LTBP1: variants seen among roughly 807,000 people sequenced by gnomAD.
LTBP1 encodes latent transforming growth factor beta binding protein 1.
Under a neutral mutation model 207.6 loss-of-function variants are expected in LTBP1, and 129 were observed. The observed-to-expected ratio is 0.62, with a 90% confidence interval of 0.54 to 0.72. The LOEUF is 0.72. Among genes scored for constraint, LTBP1 ranks in the 30% least tolerant of loss-of-function variants. The pLI, the probability that LTBP1 is intolerant of heterozygous loss-of-function variation, is 0.00. For synonymous variants in LTBP1, 963 were observed against 833.7 expected (o/e 1.16, Z -2.67); for missense variants, 2,281 against 2,217.2 (o/e 1.03, Z -0.58).
At chr2:33,256,418 T>G (rs947559140) in intron 11 of LTBP1, among the ~76,000 whole-genome samples, 5 of 152,094 alleles carry the variant, frequency 3.3e-5, no homozygotes, top group Non-Finnish European at 7.3e-5. Flanking sequence ...GAGCCCTTTG[T>G]GTTCTTCAAC....
rs531284899 is a variant in LTBP1 at position 33,394,124 on chromosome 2, C to G, written c.4835-3009C>G. On this transcript the variant is annotated intron_variant, in intron 32 of 33. Coordinates refer to ENST00000404816, the MANE Select transcript of LTBP1 (RefSeq NM_206943.4). ...AGTGTCTGTTCATATCCTTCTCCCA[C>G]TTTTTGATGGGGTTGTTTGATTTTT... Among the ~76,000 whole-genome samples the G allele has an allele frequency of 7.3e-4, 111 of 152,290 alleles. 1 individual carries two copies. The South Asian group carries it at 0.022, about 31-fold the overall frequency.
At chr2:33,253,970 A>G (rs983631338) in intron 11 of LTBP1, among the ~76,000 whole-genome samples, 3 of 147,580 alleles carry the variant, frequency 2.0e-5, no homozygotes, top group Non-Finnish European at 4.4e-5. Flanking sequence ...GCTCACTGCA[A>G]GCTCCGCCTC....
At chr2:33,171,384 G>T (rs1390593195) in intron 5 of LTBP1, among the ~76,000 whole-genome samples, 2 of 135,184 alleles carry the variant, frequency 1.5e-5, no homozygotes. Flanking sequence ...GAGCCGATGC[G>T]ATCAACTGGA....
intron 2 of LTBP1, among the ~76,000 whole-genome samples, chr2:32,959,425 G>C (rs1403966362): frequency 2.0e-5 from 3 of 151,696 alleles, no homozygotes; most frequent in South Asian, 2.1e-4. Context: ...AAGGAAAATA[G>C]AAGGATAAGG....
chr2:33,157,432 T>C (rs1440927479), intron 5 of LTBP1, among the ~76,000 whole-genome samples: 1 of 152,184 alleles, frequency 6.6e-6, no homozygotes, highest in Non-Finnish European at 1.5e-5. Flanking sequence ...GGGAACTGTT[T>C]TGAGAAGTGA....
chr2:33,062,797 A>G (rs1369677275), intron 3 of LTBP1, among the ~76,000 whole-genome samples: 1 of 152,228 alleles, frequency 6.6e-6, no homozygotes. Context: ...CAAGATAGCT[A>G]CTAAGTGACG....
intron 2 of LTBP1, among the ~76,000 whole-genome samples, chr2:32,957,875 C>T (rs1249540142): frequency 2.6e-5 from 4 of 152,152 alleles, no homozygotes; most frequent in Non-Finnish European, 5.9e-5. Context: ...GGATTGAGCA[C>T]GTCATGTAGA....
intron 7 of LTBP1, among the ~76,000 whole-genome samples, chr2:33,197,202 A>G (rs189612042): frequency 6.6e-6 from 1 of 152,242 alleles, no homozygotes; most frequent in Non-Finnish European, 1.5e-5. Flanking sequence ...AATTGATCTC[A>G]TAGAACTATA....
chr2:33,197,828 T>C (rs1198898539), intron 7 of LTBP1, among the ~76,000 whole-genome samples: 1 of 152,206 alleles, frequency 6.6e-6, no homozygotes, highest in Non-Finnish European at 1.5e-5. Context: ...GCCTGTGCTC[T>C]TTGTTGAACC....
intron 5 of LTBP1, among the ~76,000 whole-genome samples, chr2:33,180,405 C>A (rs546258900): frequency 5.6e-4 from 85 of 151,836 alleles, no homozygotes; most frequent in Non-Finnish European, 9.6e-4. Flanking sequence ...GTGATGCATA[C>A]CGAATGAAAA....
At chr2:33,286,635 G>T (rs1002221740) in intron 19 of LTBP1, among the ~76,000 whole-genome samples, 2 of 152,270 alleles carry the variant, frequency 1.3e-5, no homozygotes, top group East Asian at 3.9e-4. Flanking sequence ...TGTTGTCTGT[G>T]TATCTATATG....
intron 26 of LTBP1, among the ~76,000 whole-genome samples, chr2:33,350,522 A>T (rs2094766309): frequency 6.6e-6 from 1 of 152,246 alleles, no homozygotes; most frequent in Non-Finnish European, 1.5e-5. Flanking sequence ...ATTGCCCCAG[A>T]TGAACCTTTA....
intron 26 of LTBP1, among the ~76,000 whole-genome samples, chr2:33,353,657 C>G (rs1483663308): frequency 6.6e-6 from 1 of 152,066 alleles, no homozygotes; most frequent in East Asian, 1.9e-4. Context: ...GGGGAAATGT[C>G]TATTCACACT....
chr2:33,073,509 T>G (rs2077910733), intron 3 of LTBP1, among the ~76,000 whole-genome samples: 1 of 152,196 alleles, frequency 6.6e-6, no homozygotes, highest in Non-Finnish European at 1.5e-5. Flanking sequence ...AAGAAACCTA[T>G]CATACATTTA....
At chr2:33,349,992 G>GA (rs1266482954) in intron 26 of LTBP1, among the ~76,000 whole-genome samples, 2 of 152,190 alleles carry the variant, frequency 1.3e-5, no homozygotes, top group African/African-American at 4.8e-5. Flanking sequence ...CAGAGGGCAA[G>GA]AAAACATCAG....
At chr2:33,279,676 A>C (rs1176364119) in intron 18 of LTBP1, among the ~76,000 whole-genome samples, 1 of 151,980 alleles carries the variant, frequency 6.6e-6, no homozygotes, top group Non-Finnish European at 1.5e-5. Context: ...GCTTCCTCAC[A>C]CTCACCCCCA....
intron 15 of LTBP1, among the ~76,000 whole-genome samples, chr2:33,264,037 C>T (rs1334574110): frequency 6.6e-6 from 1 of 151,294 alleles, no homozygotes; most frequent in Non-Finnish European, 1.5e-5. Context: ...GGGCAGATCA[C>T]TAGGTCAGGA....
At chr2:33,137,652 A>G (rs1394777648) in intron 5 of LTBP1, among the ~76,000 whole-genome samples, 2 of 152,252 alleles carry the variant, frequency 1.3e-5, no homozygotes, top group Non-Finnish European at 2.9e-5. Flanking sequence ...GATAATCAGA[A>G]TAACAGAAAT....
At chr2:33,169,621 G>C (rs1477823157) in intron 5 of LTBP1, among the ~76,000 whole-genome samples, 1 of 152,094 alleles carries the variant, frequency 6.6e-6, no homozygotes, top group African/African-American at 2.4e-5. Flanking sequence ...ATATAATAGA[G>C]AATAGCACTT....
Sources: allele counts gnomAD v4.1 joint callset (sites outside exome capture counted in the v4.1 genomes callset), GRCh38; gene constraint gnomAD v4.1.1; transcripts MANE v1.5; gene names NCBI Gene and HGNC (gene_info 2026-07-23, HGNC 2026-07-21).